ERC1: variants seen among roughly 807,000 people sequenced by gnomAD.
ERC1 encodes RAB6 interacting protein 2.
A neutral mutation model predicts 132.0 loss-of-function variants in ERC1; 56 were observed. That is an observed-to-expected ratio of 0.42 (90% CI 0.34 to 0.53). The LOEUF (loss-of-function observed/expected upper bound fraction) is 0.53, where lower values mean the gene tolerates loss of function less well. Ranked by LOEUF, ERC1 falls within the 20% of genes least tolerant of loss-of-function variation. ERC1 has a pLI of 0.03. For missense variants in ERC1, 1,202 were observed against 1,349.9 expected, an observed-to-expected ratio of 0.89 and a Z score of 1.72; for synonymous variants, 478 against 476.1, an observed-to-expected ratio of 1.00 and a Z score of -0.05.
chr12:1,180,969 GCC>G (rs1954392481), intron 9 of ERC1, among the ~76,000 whole-genome samples: 1 of 151,820 alleles, frequency 6.6e-6, no homozygotes, highest in Admixed American at 6.6e-5. Flanking sequence ...GAGCCACCAT[GCC>G]CAAGTAATTT....
At chr12:1,378,957 A>G (rs2088280577) in intron 16 of ERC1, among the ~76,000 whole-genome samples, 2 of 152,306 alleles carry the variant, frequency 1.3e-5, no homozygotes, top group South Asian at 4.1e-4. Context: ...GAAGCACATC[A>G]CAAAGAACAC....
At chr12:1,170,870 C>A (rs983023982) in intron 8 of ERC1, among the ~76,000 whole-genome samples, 1 of 152,036 alleles carries the variant, frequency 6.6e-6, no homozygotes, top group Non-Finnish European at 1.5e-5. Flanking sequence ...CTATACCATT[C>A]CTGTATAATT....
intron 4 of ERC1, among the ~76,000 whole-genome samples, chr12:1,109,875 C>G (rs1047362346): frequency 6.6e-6 from 1 of 152,166 alleles, no homozygotes; most frequent in Non-Finnish European, 1.5e-5. Context: ...TGGCAAAACC[C>G]TGTCTCTACT....
At chr12:1,185,340 A>G (rs1386224087) in intron 11 of ERC1, among the ~76,000 whole-genome samples, 1 of 151,982 alleles carries the variant, frequency 6.6e-6, no homozygotes, top group Non-Finnish European at 1.5e-5. Context: ...GCCTTGAGTT[A>G]TCAGAATTTT....
At chr12:1,445,568 C>G (rs2093283040) in intron 18 of ERC1, among the ~76,000 whole-genome samples, 1 of 151,480 alleles carries the variant, frequency 6.6e-6, no homozygotes, top group Admixed American at 6.6e-5. Flanking sequence ...ATCCTCCTGT[C>G]TAGTTGATAT....
intron 2 of ERC1, among the ~76,000 whole-genome samples, chr12:1,067,493 T>C (rs947913434): frequency 1.3e-5 from 2 of 152,182 alleles, no homozygotes; most frequent in Non-Finnish European, 2.9e-5. Context: ...CGAAGTAATT[T>C]AGTAGAAATG....
intron 1 of ERC1, among the ~76,000 whole-genome samples, chr12:993,425 A>C (rs1353898259): frequency 3.3e-5 from 5 of 152,126 alleles, no homozygotes; most frequent in Non-Finnish European, 2.9e-5. Flanking sequence ...AAAGTAAGCT[A>C]TTTCGTTTAG....
intron 15 of ERC1, among the ~76,000 whole-genome samples, chr12:1,365,457 A>G (rs1267730034): frequency 6.6e-6 from 1 of 152,188 alleles, no homozygotes. Flanking sequence ...TTCAAGATAC[A>G]TTCATTATGA....
chr12:1,109,845 C>T (rs1031737586), intron 4 of ERC1, among the ~76,000 whole-genome samples: 6 of 152,132 alleles, frequency 3.9e-5, no homozygotes, highest in African/African-American at 4.8e-5. Flanking sequence ...GTCAGGAGTT[C>T]GAGACCAGCC....
chr12:1,028,630 C>G (rs560776616), intron 2 of ERC1, 58 bp downstream of exon 2: 22 of 1,340,522 alleles, frequency 1.6e-5, no homozygotes, highest in African/African-American at 4.4e-5. Context: ...AATGAAATAG[C>G]CTTTTTTTCC....
chr12:1,362,073 A>G (rs1334369056), intron 15 of ERC1, among the ~76,000 whole-genome samples: 1 of 152,190 alleles, frequency 6.6e-6, no homozygotes, highest in Non-Finnish European at 1.5e-5. Context: ...CCTCTAGAAG[A>G]TAAGACACAC....
intron 15 of ERC1, among the ~76,000 whole-genome samples, chr12:1,320,364 G>T (rs186620641): frequency 1.5e-3 from 228 of 152,270 alleles, no homozygotes; most frequent in African/African-American, 4.8e-3. Context: ...ATTGTTAGGT[G>T]TAGTGGATAC....
intron 2 of ERC1, among the ~76,000 whole-genome samples, chr12:1,030,561 A>C (rs1272281449): frequency 6.6e-6 from 1 of 151,926 alleles, no homozygotes; most frequent in Non-Finnish European, 1.5e-5. Context: ...CTGTCTTTGC[A>C]AAAAAATAGA....
At chr12:1,056,112 A>G (rs993072197) in intron 2 of ERC1, among the ~76,000 whole-genome samples, 1 of 151,902 alleles carries the variant, frequency 6.6e-6, no homozygotes, top group African/African-American at 2.4e-5. Flanking sequence ...CAGCAGAGAA[A>G]AACTGTTTTA....
Position 1,487,372 on chromosome 12 carries a change from A to ATT in ERC1, c.3214-2694_3214-2693dup, listed in dbSNP as rs574707385. On this transcript the variant is annotated intron_variant, in intron 18 of 18. Coordinates refer to ENST00000360905, the MANE Select transcript of ERC1 (RefSeq NM_178040.4). ...CTGTCTTATGGTGCCAAGCATCTAG[A>ATT]TTTTTTTTTTTTTTTTTTTTTTTTT... 2.0e-3 allele frequency among the ~76,000 whole-genome samples: 114 copies of ATT among 57,908 alleles called. 6 individuals are homozygous for ATT. The highest frequency in any genetic ancestry group is 7.0e-3 in the Admixed American group (21 of 3,004). The allele number at this position is 57,908 out of a possible 152,430, so 38.0% of individuals were successfully genotyped here. A position where few individuals can be genotyped will look rare whatever the true frequency, so the allele number is the denominator to read the frequency against.
chr12:1,487,876 G>C (rs1009264684), intron 18 of ERC1, among the ~76,000 whole-genome samples: 2 of 151,754 alleles, frequency 1.3e-5, no homozygotes, highest in Non-Finnish European at 2.9e-5. Flanking sequence ...CGGTGACTCA[G>C]GCCTGTAATC....
Position 1,219,277 on chromosome 12 carries a change from A to G in ERC1, c.2352-17492A>G, listed in dbSNP as rs567424187. Reference sequence around the variant, plus strand: ...AGAATACTCTACTTATTACCTACACAATGTCTTTAGTTAAATATCAAATTT... The same window carrying G: ...AGAATACTCTACTTATTACCTACACGATGTCTTTAGTTAAATATCAAATTT... On this transcript the variant is annotated intron_variant, in intron 12 of 18. Transcript: ENST00000360905. Among the ~76,000 whole-genome samples the G allele has an allele frequency of 2.0e-5, 3 of 152,244 alleles. No individual in the cohort carries two copies. The South Asian group carries it at 6.2e-4, about 32-fold the overall frequency.
intron 2 of ERC1, among the ~76,000 whole-genome samples, chr12:1,029,307 C>T (rs755576905): frequency 6.6e-6 from 1 of 151,936 alleles, no homozygotes; most frequent in Admixed American, 6.6e-5. Context: ...AGCTGAGATC[C>T]CGCCACTGCA....
intron 2 of ERC1, among the ~76,000 whole-genome samples, chr12:1,035,562 TTTTGGTGTATG>T (rs1206347808): frequency 2.0e-5 from 3 of 152,054 alleles, no homozygotes. Flanking sequence ...TCAGGAAGGT[TTTTGGTGTATG>T]TTTGACAAAG....
Sources: allele counts gnomAD v4.1 joint callset (sites outside exome capture counted in the v4.1 genomes callset), GRCh38; gene constraint gnomAD v4.1.1; transcripts MANE v1.5; gene names NCBI Gene and HGNC (gene_info 2026-07-23, HGNC 2026-07-21).